Variants in SERGEF observed in about 807,000 individuals in gnomAD.
The protein encoded by SERGEF is secretion-regulating guanine nucleotide exchange factor.
SERGEF carries 51 observed loss-of-function variants against 50.0 expected under a neutral mutation model. The ratio of observed to expected loss-of-function variants is 1.02; its 90% CI spans 0.81 to 1.29. The LOEUF is 1.29. Among genes scored for constraint, SERGEF ranks in the 50% most tolerant of loss-of-function variants. The probability of loss-of-function intolerance (pLI) is 0.00; values close to 1 mark genes in which losing one functional copy is unlikely to be tolerated. For missense variants in SERGEF, 521 were observed against 557.0 expected (o/e 0.94, Z 0.65); for synonymous variants, 205 against 212.4 (o/e 0.97, Z 0.30).
chr11:17,950,199 T>C (rs1468041347), intron 9 of SERGEF, among the ~76,000 whole-genome samples: 1 of 152,164 alleles, frequency 6.6e-6, no homozygotes, highest in South Asian at 2.1e-4. Flanking sequence ...GCACCTGCTG[T>C]GTGCTGGGTG....
chr11:17,853,171 C>T (rs1590156833), intron 10 of SERGEF, among the ~76,000 whole-genome samples: 1 of 152,230 alleles, frequency 6.6e-6, no homozygotes, highest in East Asian at 1.9e-4. Flanking sequence ...GTACCCACTT[C>T]ATATGGTGGT....
chr11:17,944,569 T>C (rs1296929533), intron 9 of SERGEF, among the ~76,000 whole-genome samples: 1 of 152,204 alleles, frequency 6.6e-6, no homozygotes, highest in African/African-American at 2.4e-5. Context: ...CTGCTTTTGG[T>C]CACTCTCCAT....
chr11:17,867,862 G>A (rs1046217010), intron 10 of SERGEF, among the ~76,000 whole-genome samples: 13 of 152,284 alleles, frequency 8.5e-5, no homozygotes, highest in African/African-American at 3.1e-4. Flanking sequence ...TGAAGCCACG[G>A]CCAGGGCTCT....
At chr11:17,803,066 G>A (rs955385277) in intron 10 of SERGEF, among the ~76,000 whole-genome samples, 13 of 152,254 alleles carry the variant, frequency 8.5e-5, no homozygotes, top group Non-Finnish European at 1.9e-4. Flanking sequence ...CCCTTGAGGG[G>A]AACCCAAATC....
At chr11:17,842,053 G>T (rs1178116212) in intron 10 of SERGEF, among the ~76,000 whole-genome samples, 4 of 151,816 alleles carry the variant, frequency 2.6e-5, no homozygotes, top group Non-Finnish European at 5.9e-5. Context: ...ATCCTAGTCT[G>T]TAATTTTGCA....
At chr11:17,842,915 T>C (rs1293235837) in intron 10 of SERGEF, among the ~76,000 whole-genome samples, 1 of 152,218 alleles carries the variant, frequency 6.6e-6, no homozygotes, top group Non-Finnish European at 1.5e-5. Context: ...GAGGAGCTGA[T>C]ATGCTAACGA....
intron 9 of SERGEF, among the ~76,000 whole-genome samples, chr11:17,910,191 A>ACTCTCTCT (rs150069623): frequency 1.1e-4 from 14 of 132,758 alleles, no homozygotes; most frequent in South Asian, 4.8e-4. Flanking sequence ...ACACACACAC[A>ACTCTCTCT]CACTCTCTCT....
rs569008157 is a variant in SERGEF at position 18,000,683 on chromosome 11, C to T, written c.448-126G>A. On this transcript the variant is annotated intron_variant, in intron 4 of 10. Transcript: ENST00000265965. Reference sequence around the variant, plus strand: ...TCTGACTGGTTTAAAGCAACCACTCCCCCCAATATTTCCACCCATTAATAC... The same window carrying T: ...TCTGACTGGTTTAAAGCAACCACTCTCCCCAATATTTCCACCCATTAATAC... 5.0e-4 allele frequency: 370 copies of T among 741,204 alleles called. No individual in the cohort carries two copies. The African/African-American group carries it at 6.0e-3, about 12-fold the overall frequency. The allele number at this position is 741,204 out of a possible 1,614,324, so 45.9% of individuals were successfully genotyped here.
intron 10 of SERGEF, among the ~76,000 whole-genome samples, chr11:17,844,316 A>G (rs1178492348): frequency 6.6e-6 from 1 of 152,214 alleles, no homozygotes; most frequent in Non-Finnish European, 1.5e-5. Flanking sequence ...TGACAATGTT[A>G]TATGTTTACT....
intron 9 of SERGEF, among the ~76,000 whole-genome samples, chr11:17,958,324 G>A (rs1334730175): frequency 6.6e-6 from 1 of 152,152 alleles, no homozygotes; most frequent in Non-Finnish European, 1.5e-5. Context: ...GACTCTGAAT[G>A]AAGACTGAAT....
At chr11:17,803,739 T>A (rs1849710754) in intron 10 of SERGEF, among the ~76,000 whole-genome samples, 1 of 152,174 alleles carries the variant, frequency 6.6e-6, no homozygotes, top group Non-Finnish European at 1.5e-5. Flanking sequence ...GGCCAGCTAT[T>A]AGTGAATCTG....
chr11:17,788,545 C>A, intron 10 of SERGEF, 132 bp from the exon 11 acceptor site: 1 of 697,222 alleles, frequency 1.4e-6, no homozygotes, highest in African/African-American at 1.8e-5. Flanking sequence ...GGACACATGG[C>A]GGCATCCTCC....
At chr11:17,789,200 AC>A (rs1471704757) in intron 10 of SERGEF, among the ~76,000 whole-genome samples, 1 of 152,154 alleles carries the variant, frequency 6.6e-6, no homozygotes, top group Non-Finnish European at 1.5e-5. Flanking sequence ...GTCCCTGACC[AC>A]CCAATCCAAA....
intron 10 of SERGEF, among the ~76,000 whole-genome samples, chr11:17,829,702 C>T (rs754821917): frequency 2.6e-5 from 4 of 152,104 alleles, no homozygotes; most frequent in Admixed American, 1.3e-4. Flanking sequence ...AAAAAGTAAA[C>T]CTACAAACAA....
At chr11:17,837,891 T>A (rs1850431736) in intron 10 of SERGEF, among the ~76,000 whole-genome samples, 1 of 152,116 alleles carries the variant, frequency 6.6e-6, no homozygotes, top group African/African-American at 2.4e-5. Context: ...GGTCTTGAAC[T>A]CGTGACCTTG....
intron 9 of SERGEF, among the ~76,000 whole-genome samples, chr11:17,894,794 T>C (rs866239590): frequency 5.9e-5 from 9 of 152,300 alleles, no homozygotes; most frequent in Non-Finnish European, 1.3e-4. Context: ...TGTAAATGCA[T>C]TGAACTCTGT....
intron 9 of SERGEF, among the ~76,000 whole-genome samples, chr11:17,909,271 C>T (rs981684418): frequency 6.6e-6 from 1 of 152,178 alleles, no homozygotes; most frequent in African/African-American, 2.4e-5. Flanking sequence ...ATGAGACATA[C>T]AACACTTCGT....
intron 10 of SERGEF, among the ~76,000 whole-genome samples, chr11:17,838,080 G>C (rs1291015716): frequency 1.3e-5 from 2 of 152,198 alleles, no homozygotes; most frequent in African/African-American, 4.8e-5. Context: ...CAGAAGACCT[G>C]GGTGCCATAT....
intron 9 of SERGEF, among the ~76,000 whole-genome samples, chr11:17,904,408 A>T (rs1851802108): frequency 6.6e-6 from 1 of 152,236 alleles, no homozygotes; most frequent in Non-Finnish European, 1.5e-5. Context: ...ACCATGCCAG[A>T]CTGAGCCCCG....
Sources: gnomAD v4.1 joint callset for allele counts (sites outside exome capture counted in the v4.1 genomes callset) on GRCh38, gnomAD v4.1.1 for gene constraint, MANE v1.5 for transcripts, NCBI Gene and HGNC (gene_info 2026-07-23, HGNC 2026-07-21) for gene names.